The following NRXN2 variants were observed in gnomAD, a reference collection of about 807,000 sequenced individuals.
NRXN2 encodes neurexin-2-beta.
A neutral mutation model predicts 128.8 loss-of-function variants in NRXN2; 29 were observed. That is an observed-to-expected ratio of 0.23 (90% CI 0.17 to 0.31). The LOEUF is 0.31. NRXN2 is among the 10% of genes least tolerant of loss of function. NRXN2 has a pLI of 1.00. For missense variants in NRXN2, 1,881 were observed against 2,452.6 expected (o/e 0.77, Z 4.92); for synonymous variants, 1,098 against 1,075.2 (o/e 1.02, Z -0.41).
At chr11:64,676,654 C>A in intron 7 of NRXN2, 1 of 366,124 alleles carries the variant, frequency 2.7e-6, no homozygotes, top group Non-Finnish European at 4.9e-6. Context: ...AGCCTGGCAT[C>A]GGGGCTGGTC....
At chr11:64,643,278 GA>G in intron 17 of NRXN2, 1 of 977,432 alleles carries the variant, frequency 1.0e-6, no homozygotes, top group Non-Finnish European at 1.2e-6. Flanking sequence ...GAAGGCGGGA[GA>G]CCGACGGCGA....
chr11:64,642,357 AGGGTG>A lies in NRXN2; in HGVS notation c.3403+5857_3403+5861del, dbSNP rs2045817336. Among the ~76,000 whole-genome samples the A allele has an allele frequency of 3.3e-5, 5 of 151,390 alleles. No homozygotes were observed. The South Asian group carries it at 1.0e-3, about 32-fold the overall frequency. ...ATGGGGGAGAGGAGAGATGGAGGCA[AGGGTG>A]GGGCTGAGATGATGGGAGCTGGAGA... On this transcript the variant is annotated intron_variant, in intron 17 of 22. Transcript: ENST00000265459.
intron 15 of NRXN2, among the ~76,000 whole-genome samples, chr11:64,649,590 C>T (rs2047183025): frequency 6.6e-6 from 1 of 152,174 alleles, no homozygotes; most frequent in Non-Finnish European, 1.5e-5. Context: ...CTCTGTGACA[C>T]ATCGCCCCCT....
intron 22 of NRXN2, among the ~76,000 whole-genome samples, chr11:64,619,937 T>C (rs2042064798): frequency 6.6e-6 from 1 of 152,076 alleles, no homozygotes; most frequent in African/African-American, 2.4e-5. Flanking sequence ...CAAGAACTGA[T>C]GGGAGTTGTA....
chr11:64,679,435 A>G (rs1170845661), intron 6 of NRXN2, among the ~76,000 whole-genome samples: 1 of 152,058 alleles, frequency 6.6e-6, no homozygotes, highest in Non-Finnish European at 1.5e-5. Context: ...CAGGAGATTG[A>G]GACCATCCTG....
At chr11:64,626,233 C>T (rs527501747) in intron 20 of NRXN2, among the ~76,000 whole-genome samples, 2 of 152,212 alleles carry the variant, frequency 1.3e-5, no homozygotes, top group East Asian at 3.9e-4. Flanking sequence ...GAGAACAAGA[C>T]TCTCCCTACT....
chr11:64,660,726 G>T lies in NRXN2; in HGVS notation c.2185+27C>A. On this transcript the variant is annotated intron_variant, in intron 10 of 22. Transcript: ENST00000265459. This position sits in a 1 kb window ranked among gnomAD's most constrained non-coding sequence, Gnocchi z 5.2. ...GAGGAGCACAGGGATAGGGAGCAGG[G>T]ACACCTAGGATGAAGACCAGCCTCA... 6.2e-7 allele frequency: 1 copy of T among 1,606,994 alleles called. No homozygotes were observed. Among genetic ancestry groups the T allele is most frequent in the Non-Finnish European group, 8.5e-7 (1 of 1,179,968 alleles).
chr11:64,701,448 C>G (rs1490401656), intron 2 of NRXN2, among the ~76,000 whole-genome samples: 4 of 152,156 alleles, frequency 2.6e-5, no homozygotes, highest in African/African-American at 9.7e-5. Context: ...CTTTAAGACC[C>G]AAGTCAAGGG....
chr11:64,673,995 G>A lies in NRXN2; in HGVS notation c.1197+2998C>T, dbSNP rs901520297. Among the ~76,000 whole-genome samples the A allele has an allele frequency of 1.2e-4, 17 of 144,392 alleles. 1 individual carries two copies. Among genetic ancestry groups the A allele is most frequent in the African/African-American group, 3.7e-4 (14 of 37,954 alleles). 94.7% of individuals were successfully genotyped at this position (144,392 alleles called of 152,430 possible). A position where few individuals can be genotyped will look rare whatever the true frequency, so the allele number is the denominator to read the frequency against. On this transcript the variant is annotated intron_variant, in intron 7 of 22. Coordinates refer to ENST00000265459, the MANE Select transcript of NRXN2 (RefSeq NM_015080.4). The stretch of plus-strand genomic sequence containing the variant: ...AGAGGTTGCAGTGAGCCGAGATCGC[G>A]CCACTTCACTCCAGCCTAGGCAACA...
chr11:64,657,896 A>G (rs2048488989), intron 11 of NRXN2, among the ~76,000 whole-genome samples: 2 of 152,176 alleles, frequency 1.3e-5, no homozygotes, highest in South Asian at 4.1e-4. Flanking sequence ...GGAGTAAGAA[A>G]TGGGTGGGAG....
intron 17 of NRXN2, chr11:64,642,495 G>C: frequency 6.3e-7 from 1 of 1,581,544 alleles, no homozygotes. Context: ...AGCGCCCCCC[G>C]CCCCCGGGCC....
At chr11:64,722,383 A>G (rs1446779330) in intron 1 of NRXN2, among the ~76,000 whole-genome samples, 1 of 151,262 alleles carries the variant, frequency 6.6e-6, no homozygotes, top group Non-Finnish European at 1.5e-5. Context: ...CTCTGCCTGG[A>G]GCACCTTGGC....
Position 64,650,564 on chromosome 11 carries a change from T to C in NRXN2, c.2993A>G (p.Asp998Gly), listed in dbSNP as rs577611929. The change falls in exon 15 of 23, where the codon GAC (aspartate) becomes GGC (glycine). Residue 998 changes from aspartate to glycine, a missense_variant. Asp to Gly is a moderately conservative substitution (Grantham distance 94, BLOSUM62 -1). This residue lies in a region of NRXN2 where 390 missense variants were observed against 599.6 expected (regional missense o/e 0.65). Transcript: ENST00000265459. Reference protein sequence around the residue: ...MKGNSDKPVNDNQWHNVVVSR... With the variant: ...MKGNSDKPVNGNQWHNVVVSR... ...CACCACCACGTTGTGCCACTGGTTG[T>C]CATTGACTGGTTTGTCTGAGTTCCC... The C allele has an allele frequency of 6.2e-7, 1 of 1,614,152 alleles. No homozygotes were observed. The highest frequency in any genetic ancestry group is 1.1e-5 in the South Asian group (1 of 91,074).
At position 64,623,323 on chromosome 11, in the gene NRXN2, G is replaced by T; in HGVS notation, c.3848-245C>A. ...GGGAGGGCACCCAGGGTACACATGG[G>T]CTGGGGAAGGGGAGCCCAGTCCCTC... On this transcript the variant is annotated intron_variant, in intron 20 of 22. Coordinates refer to ENST00000265459, the MANE Select transcript of NRXN2 (RefSeq NM_015080.4). The surrounding 1 kb of genome is among the most constrained non-coding windows in gnomAD (Gnocchi z 4.9). 1 of 611,028 alleles carries T rather than the reference G, an allele frequency of 1.6e-6. No homozygotes were observed. The highest frequency in any genetic ancestry group is 1.8e-5 in the African/African-American group (1 of 54,118). 37.9% of individuals were successfully genotyped at this position (611,028 alleles called of 1,614,324 possible).
intron 7 of NRXN2, among the ~76,000 whole-genome samples, chr11:64,673,987 G>A (rs1234773010): frequency 4.0e-5 from 6 of 149,382 alleles, no homozygotes; most frequent in Admixed American, 2.7e-4. Flanking sequence ...GCAGTGAGCC[G>A]AGATCGCGCC....
intron 5 of NRXN2, among the ~76,000 whole-genome samples, chr11:64,690,013 A>T (rs2053589634): frequency 6.6e-6 from 1 of 152,236 alleles, no homozygotes; most frequent in Non-Finnish European, 1.5e-5. Context: ...CACAGCTCCC[A>T]ATCAGAATTT....
At chr11:64,680,187 T>C (rs965997608) in intron 6 of NRXN2, among the ~76,000 whole-genome samples, 5 of 152,144 alleles carry the variant, frequency 3.3e-5, no homozygotes, top group Non-Finnish European at 7.4e-5. Flanking sequence ...GACAAAACTA[T>C]ACCCCATCTC....
In NRXN2 at chr11:64,607,055, T is replaced by G; in HGVS notation, c.*141A>C. 1 of 923,968 alleles carries G rather than the reference T, an allele frequency of 1.1e-6. No homozygotes were observed. Among genetic ancestry groups the G allele is most frequent in the African/African-American group, 1.7e-5 (1 of 60,190 alleles). The allele number at this position is 923,968 out of a possible 1,614,324, so 57.2% of individuals were successfully genotyped here. A position where few individuals can be genotyped will look rare whatever the true frequency, so the allele number is the denominator to read the frequency against. On this transcript the variant is annotated 3_prime_UTR_variant, in exon 23 of 23. Coordinates refer to ENST00000265459, the MANE Select transcript of NRXN2 (RefSeq NM_015080.4). ...GGCGAGCACGGGGTTTTTCCTTTTC[T>G]TTTTTTGCGTTTCCTCTTCGTAAGA...
chr11:64,710,238 CACACACACACAG>C (rs1372333373), intron 2 of NRXN2, among the ~76,000 whole-genome samples: 2 of 151,812 alleles, frequency 1.3e-5, no homozygotes, highest in Non-Finnish European at 2.9e-5. Flanking sequence ...GACTCTCTCT[CACACACACACAG>C]ACACACACAC....
Sources: allele counts gnomAD v4.1 joint callset (sites outside exome capture counted in the v4.1 genomes callset), GRCh38; gene constraint gnomAD v4.1.1; regional missense constraint gnomAD v4.1.1; non-coding constraint Gnocchi (gnomAD v3.1); transcripts MANE v1.5; gene names NCBI Gene and HGNC (gene_info 2026-07-23, HGNC 2026-07-21).